SEL1L2: variants seen among roughly 807,000 people sequenced by gnomAD.
SEL1L2 encodes protein sel-1 homolog 2.
A neutral mutation model predicts 98.8 loss-of-function variants in SEL1L2; 89 were observed. The observed-to-expected ratio is 0.90, with a 90% CI of 0.76 to 1.07. The LOEUF (loss-of-function observed/expected upper bound fraction) is 1.07. SEL1L2 is among the 50% of genes least tolerant of loss of function. SEL1L2 has a pLI of 0.00. For synonymous variants in SEL1L2, 262 were observed against 278.5 expected (o/e 0.94, Z 0.59); for missense variants, 788 against 812.0 (o/e 0.97, Z 0.36).
intron 2 of SEL1L2, among the ~76,000 whole-genome samples, chr20:13,936,367 G>T (rs2049454342): frequency 6.6e-6 from 1 of 152,110 alleles, no homozygotes; most frequent in Admixed American, 6.5e-5. Context: ...GATGACAGGG[G>T]CCCAAATTCT....
Position 13,849,482 on chromosome 20 carries a change from A to C in SEL1L2, c.*3T>G. Reference sequence around the variant, plus strand: ...GTGAGCAGGTTTTCCTGTGATCCGCATCCTACCCATGGTGATTTCTAAGCA... The same window carrying C: ...GTGAGCAGGTTTTCCTGTGATCCGCCTCCTACCCATGGTGATTTCTAAGCA... On this transcript the variant is annotated 3_prime_UTR_variant, in exon 20 of 20. Coordinates refer to ENST00000284951, the MANE Select transcript of SEL1L2 (RefSeq NM_025229.2). The C allele has an allele frequency of 6.2e-7, 1 of 1,613,824 alleles. No homozygotes were observed. Among genetic ancestry groups the C allele is most frequent in the African/African-American group, 1.3e-5 (1 of 75,032 alleles).
chr20:13,861,933 A>T (rs1396392454), intron 17 of SEL1L2, among the ~76,000 whole-genome samples: 7 of 152,172 alleles, frequency 4.6e-5, no homozygotes, highest in Non-Finnish European at 1.0e-4. Flanking sequence ...CCTTGTCTAA[A>T]GTGCTCCTCA....
chr20:13,927,347 G>A (rs138994243), intron 3 of SEL1L2, among the ~76,000 whole-genome samples: 416 of 152,268 alleles, frequency 2.7e-3, no homozygotes, highest in Non-Finnish European at 3.4e-3. Flanking sequence ...CCAACTATGC[G>A]ACAGATACAG....
At chr20:13,919,924 C>CAAAAAAA (rs10655831) in intron 3 of SEL1L2, among the ~76,000 whole-genome samples, 3 of 130,184 alleles carry the variant, frequency 2.3e-5, no homozygotes, top group East Asian at 2.3e-4. Flanking sequence ...GACTCCGTCT[C>CAAAAAAA]AAAAAAAAAA....
chr20:13,853,562 A>G (rs1297838579), intron 18 of SEL1L2, among the ~76,000 whole-genome samples: 1 of 152,196 alleles, frequency 6.6e-6, no homozygotes, highest in Non-Finnish European at 1.5e-5. Flanking sequence ...AATAATGGTT[A>G]ATATGTATTA....
intron 5 of SEL1L2, among the ~76,000 whole-genome samples, chr20:13,899,662 C>T (rs2047579578): frequency 6.6e-6 from 1 of 152,074 alleles, no homozygotes. Context: ...TTAATCACCT[C>T]CTGAAGGCCT....
At chr20:13,911,235 C>T (rs2048194007) in intron 5 of SEL1L2, among the ~76,000 whole-genome samples, 1 of 152,194 alleles carries the variant, frequency 6.6e-6, no homozygotes, top group Non-Finnish European at 1.5e-5. Flanking sequence ...GGACTCTGTC[C>T]TAGTAATCTT....
intron 5 of SEL1L2, among the ~76,000 whole-genome samples, chr20:13,901,359 T>G (rs1400394482): frequency 6.6e-6 from 1 of 152,132 alleles, no homozygotes; most frequent in Non-Finnish European, 1.5e-5. Context: ...CGTGAGCCAC[T>G]GTGCCTGGCC....
At position 13,876,080 on chromosome 20, in the gene SEL1L2, A is replaced by AT; in HGVS notation, c.1061dup (p.Asn354LysfsTer2). ...AAAAGTACTTGAAGGCAGTAGCGTT[A>AT]TTTTGCGGCACGGCAGCATTCCCCT... On this transcript the variant is annotated frameshift_variant, in exon 12 of 20. Transcript: ENST00000284951. LOFTEE classifies it high-confidence loss of function. 6.2e-7 allele frequency: 1 copy of AT among 1,614,148 alleles called. No individual in the cohort carries two copies. Among genetic ancestry groups the AT allele is most frequent in the Non-Finnish European group, 8.5e-7 (1 of 1,179,970 alleles).
intron 2 of SEL1L2, among the ~76,000 whole-genome samples, chr20:13,953,490 A>C (rs1267368065): frequency 6.6e-6 from 1 of 152,148 alleles, no homozygotes; most frequent in Non-Finnish European, 1.5e-5. Flanking sequence ...TTTTAACAGC[A>C]GTTAGATGTA....
At chr20:13,863,626 G>T in intron 17 of SEL1L2, among the ~76,000 whole-genome samples, 2 of 152,188 alleles carry the variant, frequency 1.3e-5, no homozygotes, top group East Asian at 3.8e-4. Context: ...TAGGACACAT[G>T]ATTATTTTTA....
intron 10 of SEL1L2, among the ~76,000 whole-genome samples, chr20:13,879,665 C>CTTTAT: frequency 6.6e-6 from 1 of 152,182 alleles, no homozygotes; most frequent in African/African-American, 2.4e-5. Flanking sequence ...AAGGATTTTA[C>CTTTAT]TTTATTTTAT....
chr20:13,980,781 T>G (rs774759322), intron 1 of SEL1L2, among the ~76,000 whole-genome samples: 1 of 152,188 alleles, frequency 6.6e-6, no homozygotes, highest in Non-Finnish European at 1.5e-5. Context: ...GTTGTATATA[T>G]ATACAATGAA....
In SEL1L2 at chr20:13,869,607, C is replaced by G; in HGVS notation, c.1168-17G>C. On this transcript the variant is annotated splice_polypyrimidine_tract_variant and intron_variant, in intron 13 of 19. Transcript: ENST00000284951. ...GGCATAATTCTGCAAGATAATTACACTCTATTACTCAAAGGCACAAGTAAA... is the reference window on the plus strand; with the variant it reads ...GGCATAATTCTGCAAGATAATTACAGTCTATTACTCAAAGGCACAAGTAAA... 6.3e-7 allele frequency: 1 copy of G among 1,599,956 alleles called. No individual in the cohort carries two copies. Among genetic ancestry groups the G allele is most frequent in the Non-Finnish European group, 8.6e-7 (1 of 1,167,128 alleles).
intron 5 of SEL1L2, among the ~76,000 whole-genome samples, chr20:13,901,930 T>G (rs951812895): frequency 1.9e-4 from 29 of 152,214 alleles, no homozygotes; most frequent in African/African-American, 6.5e-4. Context: ...TCCAAAGTGC[T>G]GGAATTACAG....
chr20:13,939,040 GT>G (rs386365633), intron 2 of SEL1L2, among the ~76,000 whole-genome samples: 14,596 of 114,072 alleles, frequency 0.13, 2,286 homozygotes, highest in African/African-American at 0.24. Context: ...TGCTTGTTTT[GT>G]TTTTTTTTTT....
At chr20:13,960,931 G>A (rs567408848) in intron 1 of SEL1L2, among the ~76,000 whole-genome samples, 19 of 152,220 alleles carry the variant, frequency 1.2e-4, no homozygotes, top group Non-Finnish European at 2.2e-4. Context: ...ATATATAATA[G>A]CGTACACCAT....
chr20:13,856,295 A>G (rs1989147048), intron 18 of SEL1L2, among the ~76,000 whole-genome samples: 1 of 151,898 alleles, frequency 6.6e-6, no homozygotes, highest in Non-Finnish European at 1.5e-5. Flanking sequence ...TTGCCCGGTT[A>G]ATTTTTGCAT....
chr20:13,858,110 C>T (rs1054666810), intron 18 of SEL1L2, among the ~76,000 whole-genome samples: 1 of 152,056 alleles, frequency 6.6e-6, no homozygotes, highest in Non-Finnish European at 1.5e-5. Flanking sequence ...AATGATCAGC[C>T]AAAAGGCAGG....
Sources: allele counts gnomAD v4.1 joint callset (sites outside exome capture counted in the v4.1 genomes callset), GRCh38; gene constraint gnomAD v4.1.1; transcripts MANE v1.5; gene names NCBI Gene and HGNC (gene_info 2026-07-23, HGNC 2026-07-21).